PPL: variants seen among roughly 807,000 people sequenced by gnomAD.
The protein encoded by PPL is periplakin.
Under a neutral mutation model 194.4 loss-of-function variants are expected in PPL, and 198 were observed. That is an observed-to-expected ratio of 1.02 (90% CI 0.91 to 1.15). The LOEUF (loss-of-function observed/expected upper bound fraction) is 1.15. Ranked by LOEUF, PPL falls within the 50% of genes most tolerant of loss-of-function variation. The pLI, the probability that PPL is intolerant of heterozygous loss-of-function variation, is 0.00. For synonymous variants in PPL, 1,220 were observed against 972.4 expected (o/e 1.25, Z -4.74); for missense variants, 2,885 against 2,294.8 (o/e 1.26, Z -5.25).
intron 1 of PPL, among the ~76,000 whole-genome samples, chr16:4,914,241 G>T (rs552927990): frequency 4.7e-4 from 71 of 152,306 alleles, no homozygotes; most frequent in African/African-American, 1.6e-3. Flanking sequence ...ATGCTCCCCA[G>T]ATCAAGGTTC....
chr16:4,897,243 G>A (rs1427607530), intron 9 of PPL, among the ~76,000 whole-genome samples: 1 of 146,396 alleles, frequency 6.8e-6, no homozygotes, highest in Non-Finnish European at 1.5e-5. Context: ...GCTGAGGCAG[G>A]AGAATCACTT....
rs564994205 is a variant in PPL, at chr16:4,897,585, C to T, written c.972+90G>A. 31 of 999,422 alleles carry T rather than the reference C, an allele frequency of 3.1e-5. No homozygotes were observed. In the African/African-American group the frequency reaches 4.1e-4, roughly 13 times the overall value. The allele number at this position is 999,422 out of a possible 1,614,324, so 61.9% of individuals were successfully genotyped here. On this transcript the variant is annotated intron_variant, in intron 9 of 21. Transcript: ENST00000345988. The stretch of plus-strand genomic sequence containing the variant: ...CCCGCAAGGCTCCTGGACCAAGGAG[C>T]ACGAGGCCACACATGAGCCAGGTAG...
At chr16:4,901,196 A>G (rs2088562035) in intron 4 of PPL, 107 bp from the exon 5 acceptor site, 1 of 1,281,766 alleles carries the variant, frequency 7.8e-7, no homozygotes, top group African/African-American at 1.5e-5. Context: ...TCTCTTTTTC[A>G]CGGGGCCCTG....
intron 8 of PPL, among the ~76,000 whole-genome samples, 190 bp downstream of exon 8, chr16:4,898,823 G>A (rs1172827596): frequency 6.6e-6 from 1 of 152,222 alleles, no homozygotes; most frequent in African/African-American, 2.4e-5. Context: ...GGGGCTGAGG[G>A]CAGAAGTGTC....
chr16:4,888,283 TGTACC>T, intron 19 of PPL, 65 bp from the exon 20 acceptor site: 1 of 1,171,534 alleles, frequency 8.5e-7, no homozygotes, highest in Non-Finnish European at 1.3e-6. Flanking sequence ...GACATGTTCC[TGTACC>T]CCTTCAGGCT....
chr16:4,918,271 C>T (rs192198115), intron 1 of PPL, among the ~76,000 whole-genome samples: 11 of 145,120 alleles, frequency 7.6e-5, no homozygotes, highest in Non-Finnish European at 1.3e-4. Flanking sequence ...CCAGCCTGGG[C>T]GACAGAGCAA....
At chr16:4,927,693 T>C (rs2972278) in intron 1 of PPL, among the ~76,000 whole-genome samples, 101,353 of 152,258 alleles carry the variant, frequency 0.67, 34,937 homozygotes, top group Non-Finnish European at 0.74. Context: ...ATTAATCCTG[T>C]GGAAATATAT....
At chr16:4,894,168 G>A (rs1403272563) in intron 12 of PPL, among the ~76,000 whole-genome samples, 4 of 152,194 alleles carry the variant, frequency 2.6e-5, no homozygotes, top group Non-Finnish European at 4.4e-5. Flanking sequence ...TCCAGCCAAG[G>A]GGCTGGGGTC....
intron 1 of PPL, among the ~76,000 whole-genome samples, chr16:4,929,245 C>T (rs2089198281): frequency 1.3e-5 from 2 of 151,844 alleles, no homozygotes; most frequent in South Asian, 4.2e-4. Context: ...CTTGCAGAGA[C>T]TCTCCATTTT....
chr16:4,900,723 C>T lies in PPL; in HGVS notation c.606+107G>A. On this transcript the variant is annotated intron_variant, in intron 6 of 21. Transcript: ENST00000345988. ...AAAGTGCTAGGCGTGAGCCACCATGCCCAGCTGCCTATGTCATTTTTAAAA... is the reference window on the plus strand; with the variant it reads ...AAAGTGCTAGGCGTGAGCCACCATGTCCAGCTGCCTATGTCATTTTTAAAA... 3 of 1,494,032 alleles carry T rather than the reference C, an allele frequency of 2.0e-6. No homozygotes were observed. In the Middle Eastern group the frequency reaches 6.5e-4, roughly 324 times the overall value. The allele number at this position is 1,494,032 out of a possible 1,614,324, so 92.5% of individuals were successfully genotyped here.
In PPL at chr16:4,890,899, G is replaced by A. The variant is rs1385762494; in HGVS notation, c.1991C>T (p.Ala664Val). Residue 664 changes from alanine to valine, a missense_variant, in exon 17 of 22, where the codon GCC becomes GTC. Ala to Val is a moderately conservative substitution (Grantham distance 64). Transcript: ENST00000345988. ...ELAAMACELQ[A>V]QKSLLGEVEQ... ...CACCTCACCCAGGAGGGACTTCTGG[G>A]CCTGTAACTCACAGGCCATGGCCTG... is the stretch of plus-strand genomic sequence containing the variant. The A allele has an allele frequency of 6.5e-7, 1 of 1,533,278 alleles. No homozygotes were observed. The highest frequency in any genetic ancestry group is 8.8e-7 in the Non-Finnish European group (1 of 1,133,782). The allele number at this position is 1,533,278 out of a possible 1,614,324, so 95.0% of individuals were successfully genotyped here.
At chr16:4,904,089 C>A (rs2088633759) in intron 2 of PPL, 49 bp from the exon 3 acceptor site, 2 of 1,573,910 alleles carry the variant, frequency 1.3e-6, no homozygotes, top group Admixed American at 1.8e-5. Context: ...CGAGAGCGGG[C>A]ACGGTGGCAA....
At position 4,909,954 on chromosome 16, in the gene PPL, C is replaced by T. The variant is rs186036834; in HGVS notation, c.162+896G>A. Among the ~76,000 whole-genome samples, 9 of 152,288 alleles carry T rather than the reference C, an allele frequency of 5.9e-5. No homozygotes were observed. In the South Asian group the frequency reaches 8.3e-4, roughly 14 times the overall value. Reference sequence around the variant, plus strand: ...AAATCTGGTAACTCCACCTGCAGGCCGATGCTGGCACCATCTCTGTCACTG... The same window carrying T: ...AAATCTGGTAACTCCACCTGCAGGCTGATGCTGGCACCATCTCTGTCACTG... On this transcript the variant is annotated intron_variant, in intron 2 of 21. Coordinates refer to ENST00000345988, the MANE Select transcript of PPL (RefSeq NM_002705.5).
chr16:4,907,040 T>G (rs192641835), intron 2 of PPL, among the ~76,000 whole-genome samples: 40 of 138,018 alleles, frequency 2.9e-4, no homozygotes, highest in African/African-American at 9.3e-4. Flanking sequence ...AGCTCAGGAG[T>G]TGGAGACCAG....
intron 1 of PPL, among the ~76,000 whole-genome samples, chr16:4,920,172 T>C (rs1285565785): frequency 6.6e-6 from 1 of 151,196 alleles, no homozygotes; most frequent in Non-Finnish European, 1.5e-5. Context: ...TAGTCCCAGC[T>C]ACTTGGGAGG....
At chr16:4,907,308 T>TCACACACACACACA (rs56210938) in intron 2 of PPL, among the ~76,000 whole-genome samples, 8 of 145,636 alleles carry the variant, frequency 5.5e-5, no homozygotes, top group African/African-American at 1.8e-4. Context: ...ATATCTAATC[T>TCACACACACACACA]CACACACACA....
intron 1 of PPL, among the ~76,000 whole-genome samples, chr16:4,925,711 T>C (rs1017749058): frequency 6.6e-6 from 1 of 152,168 alleles, no homozygotes. Flanking sequence ...GTTAAGAAAC[T>C]GGTCCGAGTT....
chr16:4,890,850 C>G lies in PPL; in HGVS notation c.2040G>C (p.Lys680Asn). ...GEVEQNLQAA[K>N]QCSSTLASRF... The stretch of plus-strand genomic sequence containing the variant: ...GGCTGGCCAGTGTGCTCGAGCACTG[C>G]TTGGCCGCCTGCAAGTTCTGCTCCA... The change falls in exon 17 of 22, where the codon AAG (lysine) becomes AAC (asparagine). Residue 680 changes from lysine (K) to asparagine (N), a missense_variant. Transcript: ENST00000345988. The G allele has an allele frequency of 1.3e-6, 2 of 1,564,200 alleles. No individual in the cohort carries two copies. Among genetic ancestry groups the G allele is most frequent in the African/African-American group, 1.4e-5 (1 of 73,764 alleles).
Position 4,895,608 on chromosome 16 carries a change from G to T in PPL, c.1081C>A (p.Leu361Met). Residue 361 changes from leucine (L) to methionine (M), a missense_variant, in exon 10 of 22, where the codon CTG becomes ATG. Coordinates refer to ENST00000345988, the MANE Select transcript of PPL (RefSeq NM_002705.5). ...CCATCGCTCACATCCAGCTCCCGCA[G>T]CAGCAGCTCAATCTGGTACCGGTCC... ...FKDRYQIELL[L>M]RELDDQEKVL... 1 of 1,613,936 alleles carries T rather than the reference G, an allele frequency of 6.2e-7. No individual in the cohort carries two copies. The highest frequency in any genetic ancestry group is 8.5e-7 in the Non-Finnish European group (1 of 1,179,998).
Sources: gnomAD v4.1 joint callset for allele counts (sites outside exome capture counted in the v4.1 genomes callset) on GRCh38, gnomAD v4.1.1 for gene constraint, MANE v1.5 for transcripts, NCBI Gene and HGNC (gene_info 2026-07-23, HGNC 2026-07-21) for gene names.